The following CCDC178 variants were observed in gnomAD, a reference collection of about 807,000 sequenced individuals.
The protein encoded by CCDC178 is coiled-coil domain-containing protein 178.
In CCDC178, 126 loss-of-function variants were observed where a neutral mutation model predicts 117.4. The ratio of observed to expected loss-of-function variants is 1.07; its 90% CI spans 0.93 to 1.24. The LOEUF (loss-of-function observed/expected upper bound fraction) is 1.24, where lower values mean the gene tolerates loss of function less well. Ranked by LOEUF, CCDC178 falls within the 50% of genes most tolerant of loss-of-function variation. CCDC178 has a pLI of 0.00. For synonymous variants in CCDC178, 283 were observed against 313.4 expected, an observed-to-expected ratio of 0.90 and a Z score of 1.02; for missense variants, 1,030 against 986.9, an observed-to-expected ratio of 1.04 and a Z score of -0.59.
chr18:32,989,918 T>G (rs1299603597), intron 21 of CCDC178, among the ~76,000 whole-genome samples: 2 of 152,054 alleles, frequency 1.3e-5, no homozygotes. Context: ...TTACAAGAAA[T>G]AATGAGAAAC....
chr18:33,366,395 A>C (rs1173019964), intron 6 of CCDC178, among the ~76,000 whole-genome samples: 1 of 151,980 alleles, frequency 6.6e-6, no homozygotes, highest in Non-Finnish European at 1.5e-5. Context: ...TCATCATTGC[A>C]CCAAACTTTT....
At chr18:33,348,604 GA>G in intron 8 of CCDC178, among the ~76,000 whole-genome samples, 1 of 151,842 alleles carries the variant, frequency 6.6e-6, no homozygotes, top group East Asian at 1.9e-4. Flanking sequence ...GATTATCACA[GA>G]AAGTTCTATT....
chr18:33,121,687 C>T (rs763790674), intron 20 of CCDC178, among the ~76,000 whole-genome samples: 1 of 152,054 alleles, frequency 6.6e-6, no homozygotes, highest in Non-Finnish European at 1.5e-5. Flanking sequence ...CTAAAAGCAT[C>T]GTAATCTCGT....
At chr18:33,207,076 A>G (rs772191514) in intron 20 of CCDC178, among the ~76,000 whole-genome samples, 5 of 152,178 alleles carry the variant, frequency 3.3e-5, no homozygotes, top group Non-Finnish European at 5.9e-5. Context: ...CTGTGAAACT[A>G]TGGCAGGCTA....
intron 4 of CCDC178, among the ~76,000 whole-genome samples, chr18:33,395,696 C>T (rs1328648367): frequency 5.3e-5 from 8 of 152,050 alleles, no homozygotes; most frequent in African/African-American, 7.2e-5. Flanking sequence ...CATGTATACT[C>T]TGGAAGAAGT....
chr18:32,995,905 T>TTATCTATATCTA (rs139781630), intron 21 of CCDC178, among the ~76,000 whole-genome samples: 32,126 of 145,458 alleles, frequency 0.22, 3,898 homozygotes, highest in Admixed American at 0.31. Context: ...TCCTACAATT[T>TTATCTATATCTA]TATCTATATC....
intron 7 of CCDC178, among the ~76,000 whole-genome samples, chr18:33,355,808 T>C (rs931400486): frequency 2.0e-5 from 3 of 152,178 alleles, no homozygotes; most frequent in Non-Finnish European, 2.9e-5. Context: ...AAAGTCCTTA[T>C]GCTAGTCTTT....
intron 22 of CCDC178, among the ~76,000 whole-genome samples, chr18:32,963,720 G>A (rs1598736908): frequency 6.6e-6 from 1 of 151,930 alleles, no homozygotes; most frequent in African/African-American, 2.4e-5. Context: ...GTTGAGCTAA[G>A]TGCTCTTCTT....
At chr18:33,066,667 A>G (rs1389777121) in intron 21 of CCDC178, among the ~76,000 whole-genome samples, 1 of 152,264 alleles carries the variant, frequency 6.6e-6, no homozygotes, top group East Asian at 1.9e-4. Flanking sequence ...AAGGTATTCC[A>G]TGCAGATCAA....
chr18:33,394,608 A>C (rs2063606958), intron 4 of CCDC178, among the ~76,000 whole-genome samples: 1 of 151,908 alleles, frequency 6.6e-6, no homozygotes, highest in African/African-American at 2.4e-5. Flanking sequence ...CATCAAAAAA[A>C]CTTCAAGGAA....
intron 21 of CCDC178, among the ~76,000 whole-genome samples, chr18:33,078,379 G>C (rs1460007113): frequency 6.6e-6 from 1 of 152,150 alleles, no homozygotes; most frequent in Non-Finnish European, 1.5e-5. Context: ...CACAAGACAA[G>C]AGTGCTCTCT....
intron 9 of CCDC178, 112 bp from the exon 10 acceptor site, chr18:33,333,506 C>CTTTT (rs11361411): frequency 9.2e-5 from 14 of 152,904 alleles, no homozygotes; most frequent in Admixed American, 2.3e-4. Flanking sequence ...AATCTTACTA[C>CTTTT]TTTTTTTTTT....
At position 33,316,261 on chromosome 18, in the gene CCDC178, G is replaced by A. The variant is rs567000327; in HGVS notation, c.1022+7230C>T. ...GCCGGCGGGAACCGGGGCTGCGCGC[G>A]GTGCTTGCGGGATAGCGCGAGTTCC... On this transcript the variant is annotated intron_variant, in intron 11 of 22. Coordinates refer to ENST00000383096, the MANE Select transcript of CCDC178 (RefSeq NM_001105528.4). Among the ~76,000 whole-genome samples, 227 of 152,320 alleles carry A rather than the reference G, an allele frequency of 1.5e-3. 1 individual carries two copies. The highest frequency in any genetic ancestry group is 5.3e-3 in the African/African-American group (221 of 41,578).
In CCDC178 at chr18:33,299,464, G is replaced by A. The variant is rs920465811; in HGVS notation, c.1023-6152C>T. 2.7e-5 allele frequency among the ~76,000 whole-genome samples: 4 copies of A among 150,494 alleles called. No individual in the cohort carries two copies. In the South Asian group the frequency reaches 8.4e-4, roughly 32 times the overall value. ...ACAAATCAAGTCAACATGGATGAAA[G>A]ACCTAAATGTAAGAACCAAAACTTT... On this transcript the variant is annotated intron_variant, in intron 11 of 22. Coordinates refer to ENST00000383096, the MANE Select transcript of CCDC178 (RefSeq NM_001105528.4).
intron 8 of CCDC178, among the ~76,000 whole-genome samples, chr18:33,347,559 C>T (rs974162340): frequency 3.3e-5 from 5 of 152,124 alleles, no homozygotes; most frequent in African/African-American, 1.2e-4. Flanking sequence ...AATTCTACCA[C>T]ATCTTGGATA....
chr18:32,962,668 CT>C (rs1341482085), intron 22 of CCDC178, among the ~76,000 whole-genome samples: 4 of 151,734 alleles, frequency 2.6e-5, no homozygotes, highest in Admixed American at 6.6e-5. Context: ...AAGATTACCT[CT>C]TTATTTTTGG....
chr18:32,979,684 G>A (rs2055106724), intron 21 of CCDC178, among the ~76,000 whole-genome samples: 1 of 152,112 alleles, frequency 6.6e-6, no homozygotes, highest in South Asian at 2.1e-4. Flanking sequence ...TTTCCACAAA[G>A]TAGTCTACAA....
At chr18:32,966,925 T>C (rs993262738) in intron 22 of CCDC178, among the ~76,000 whole-genome samples, 8 of 151,824 alleles carry the variant, frequency 5.3e-5, no homozygotes, top group African/African-American at 1.7e-4. Flanking sequence ...TACTTTAGAT[T>C]GCCATTTTAA....
intron 21 of CCDC178, among the ~76,000 whole-genome samples, chr18:33,087,033 G>GACACAC (rs35149990): frequency 3.4e-4 from 46 of 133,464 alleles, no homozygotes; most frequent in African/African-American, 1.2e-3. Flanking sequence ...GCCATTGGTT[G>GACACAC]ACACACACAC....
Sources: gnomAD v4.1 joint callset for allele counts (sites outside exome capture counted in the v4.1 genomes callset) on GRCh38, gnomAD v4.1.1 for gene constraint, MANE v1.5 for transcripts, NCBI Gene and HGNC (gene_info 2026-07-23, HGNC 2026-07-21) for gene names.